PLPPR2: variants seen among roughly 807,000 people sequenced by gnomAD.
PLPPR2 encodes the protein phospholipid phosphatase-related protein type 2.
Under a neutral mutation model 40.3 loss-of-function variants are expected in PLPPR2, and 11 were observed. That is an observed-to-expected ratio of 0.27 (90% CI 0.17 to 0.45). The LOEUF is 0.45. PLPPR2 is among the 20% of genes least tolerant of loss of function. The pLI is 1.00. For synonymous variants in PLPPR2, 260 were observed against 290.8 expected (o/e 0.89, Z 1.08); for missense variants, 497 against 640.7 (o/e 0.78, Z 2.42).
chr19:11,361,409 C>T lies in PLPPR2; in HGVS notation c.584C>T (p.Pro195Leu), dbSNP rs1378631549. 2 of 1,609,034 alleles carry T rather than the reference C, an allele frequency of 1.2e-6. No homozygotes were observed. Among genetic ancestry groups the T allele is most frequent in the Admixed American group, 1.7e-5 (1 of 59,970 alleles). ...VTDQGACAGS[P>L]SLVAAARRAF... ...GACCAGGGTGCCTGCGCTGGCAGTC[C>T]CAGCCTCGTGGCCGCCGCGCGCCGC... The change falls in exon 6 of 10, where the codon CCC becomes CTC. Residue 195 changes from proline to leucine, a missense_variant. Pro to Leu is a moderately conservative substitution (Grantham distance 98). Coordinates refer to ENST00000688289, the MANE Select transcript of PLPPR2 (RefSeq NM_001393892.1). The surrounding 1 kb of genome is among the most constrained non-coding windows in gnomAD (Gnocchi z 6.3).
chr19:11,357,179 T>C lies in PLPPR2; in HGVS notation c.-15+203T>C, dbSNP rs111260253. ...AACCAGACACCAACACCACAGCCCATGGGGACAGAGAGAGGGGCCCCTGCA... is the reference window on the plus strand; with the variant it reads ...AACCAGACACCAACACCACAGCCCACGGGGACAGAGAGAGGGGCCCCTGCA... On this transcript the variant is annotated intron_variant, in intron 2 of 9. Transcript: ENST00000688289. Among the ~76,000 whole-genome samples the C allele has an allele frequency of 7.2e-4, 109 of 151,698 alleles. 1 individual carries two copies. The highest frequency in any genetic ancestry group is 2.2e-3 in the African/African-American group (90 of 41,288).
chr19:11,363,279 T>A lies in PLPPR2; in HGVS notation c.841-434T>A. Among the ~76,000 whole-genome samples the A allele has an allele frequency of 8.5e-6, 1 of 117,604 alleles. No homozygotes were observed. Among genetic ancestry groups the A allele is most frequent in the African/African-American group, 3.4e-5 (1 of 29,526 alleles). 77.2% of individuals were successfully genotyped at this position (117,604 alleles called of 152,430 possible). On this transcript the variant is annotated intron_variant, in intron 7 of 9. Coordinates refer to ENST00000688289, the MANE Select transcript of PLPPR2 (RefSeq NM_001393892.1). This position sits in a 1 kb window ranked among gnomAD's most constrained non-coding sequence, Gnocchi z 4.8. ...CTGGGTGAAAGAGCGAAAGTCTGTC[T>A]CAAAAAAAAAAAAAAAAAAAATTAG...
rs1397772374 is a variant in PLPPR2 at position 11,355,439 on chromosome 19, C to T, written c.-323C>T. On this transcript the variant is annotated 5_prime_UTR_variant, in exon 1 of 10. Coordinates refer to ENST00000688289, the MANE Select transcript of PLPPR2 (RefSeq NM_001393892.1). Reference sequence around the variant, plus strand: ...CCCTCCCTCCACCTCGGAGTCTGCGCGGCGCGGCCAGGCCCGGCCGACCGC... The same window carrying T: ...CCCTCCCTCCACCTCGGAGTCTGCGTGGCGCGGCCAGGCCCGGCCGACCGC... The T allele has an allele frequency of 6.6e-6, 1 of 152,438 alleles. No individual in the cohort carries two copies. Among genetic ancestry groups the T allele is most frequent in the South Asian group, 2.0e-4 (1 of 5,002 alleles). The allele number at this position is 152,438 out of a possible 1,614,324, so 9.4% of individuals were successfully genotyped here.
In PLPPR2 at chr19:11,359,645, C is replaced by G; in HGVS notation, c.180C>G (p.Tyr60Ter). ...ATGACAGTACCTACGCCAAGCCCTA[C>G]CCAGGGCCTGAGGCTGCCAGCCGAG... ...FCYDSTYAKP[Y>*]PGPEAASRVP... The change falls in exon 4 of 10, where the codon TAC (tyrosine) becomes TAG (stop). Residue 60 changes from tyrosine to a stop codon, truncating the protein, a stop_gained. Coordinates refer to ENST00000688289, the MANE Select transcript of PLPPR2 (RefSeq NM_001393892.1). LOFTEE classifies it high-confidence loss of function. This position sits in a 1 kb window ranked among gnomAD's most constrained non-coding sequence, Gnocchi z 5.6. 1 of 1,612,988 alleles carries G rather than the reference C, an allele frequency of 6.2e-7. No homozygotes were observed. The highest frequency in any genetic ancestry group is 2.2e-5 in the East Asian group (1 of 44,846).
intron 5 of PLPPR2, 103 bp downstream of exon 5, chr19:11,360,059 G>A (rs762938520): frequency 2.1e-6 from 3 of 1,423,538 alleles, no homozygotes; most frequent in Admixed American, 2.6e-5. Flanking sequence ...CAGGCTGGGT[G>A]TGGTGGCTCA....
At chr19:11,358,404 T>G (rs1271144816) in intron 3 of PLPPR2, among the ~76,000 whole-genome samples, 1 of 152,112 alleles carries the variant, frequency 6.6e-6, no homozygotes, top group African/African-American at 2.4e-5. Context: ...GGACAAAGCT[T>G]GGTACGACCC....
intron 2 of PLPPR2, among the ~76,000 whole-genome samples, chr19:11,357,359 C>T (rs1370331523): frequency 6.6e-6 from 1 of 152,020 alleles, no homozygotes; most frequent in African/African-American, 2.4e-5. Flanking sequence ...TAAAGGCCCA[C>T]CTCCTAAAGG....
intron 2 of PLPPR2, 54 bp from the exon 3 acceptor site, chr19:11,357,606 A>G: frequency 7.2e-7 from 1 of 1,393,060 alleles, no homozygotes; most frequent in Non-Finnish European, 9.8e-7. Flanking sequence ...CGGTGACCTG[A>G]GCCTTCCCCT....
Position 11,362,138 on chromosome 19 carries a change from C to CT in PLPPR2, c.664-373dup, listed in dbSNP as rs1968064384. Among the ~76,000 whole-genome samples the CT allele has an allele frequency of 6.6e-6, 1 of 152,116 alleles. No homozygotes were observed. Among genetic ancestry groups the CT allele is most frequent in the South Asian group, 2.1e-4 (1 of 4,824 alleles). Reference sequence around the variant, plus strand: ...CAGCTCCTACAGCTCCTACAGCTCCCTTCGCCCTGACTCCACCCTCTGGTT... The same window carrying CT: ...CAGCTCCTACAGCTCCTACAGCTCCCTTTCGCCCTGACTCCACCCTCTGGTT... On this transcript the variant is annotated intron_variant, in intron 6 of 9. Coordinates refer to ENST00000688289, the MANE Select transcript of PLPPR2 (RefSeq NM_001393892.1). This position sits in a 1 kb window ranked among gnomAD's most constrained non-coding sequence, Gnocchi z 5.3.
In PLPPR2 at chr19:11,363,280, CAAA is replaced by C. The variant is rs571914211; in HGVS notation, c.841-415_841-413del. On this transcript the variant is annotated intron_variant, in intron 7 of 9. Transcript: ENST00000688289. The surrounding 1 kb of genome is among the most constrained non-coding windows in gnomAD (Gnocchi z 4.8). The stretch of plus-strand genomic sequence containing the variant: ...TGGGTGAAAGAGCGAAAGTCTGTCT[CAAA>C]AAAAAAAAAAAAAAAAATTAGCTGG... Among the ~76,000 whole-genome samples the C allele has an allele frequency of 7.8e-3, 579 of 74,054 alleles. 4 individuals are homozygous for C. The highest frequency in any genetic ancestry group is 0.025 in the African/African-American group (553 of 21,848). 48.6% of individuals were successfully genotyped at this position (74,054 alleles called of 152,430 possible). A position where few individuals can be genotyped will look rare whatever the true frequency, so the allele number is the denominator to read the frequency against.
In PLPPR2 at chr19:11,363,888, G is replaced by A. The variant is rs547147802; in HGVS notation, c.963+53G>A. ...CTGGAGAGGGTGGTGGGTGGAGGGG[G>A]CCAAGGAGACAGGAAGGAAGTCAGG... On this transcript the variant is annotated intron_variant, in intron 8 of 9. Transcript: ENST00000688289. This position sits in a 1 kb window ranked among gnomAD's most constrained non-coding sequence, Gnocchi z 4.8. 5 of 1,573,228 alleles carry A rather than the reference G, an allele frequency of 3.2e-6. No individual in the cohort carries two copies. In the African/African-American group the frequency reaches 5.4e-5, roughly 17 times the overall value.
Position 11,362,606 on chromosome 19 carries a change from G to C in PLPPR2, c.757G>C (p.Val253Leu). 1 of 1,613,588 alleles carries C rather than the reference G, an allele frequency of 6.2e-7. No individual in the cohort carries two copies. Among genetic ancestry groups the C allele is most frequent in the Non-Finnish European group, 8.5e-7 (1 of 1,180,006 alleles). Residue 253 changes from valine (V) to leucine (L), a missense_variant, in exon 7 of 10, where the codon GTG (valine) becomes CTG (leucine). Physicochemically the swap from Val to Leu is conservative, Grantham distance 32. Transcript: ENST00000688289. This position sits in a 1 kb window ranked among gnomAD's most constrained non-coding sequence, Gnocchi z 5.3. Reference sequence around the variant, plus strand: ...GCTGTGCCCGGCCTTCCTGGTGGGCGTGGTCCGCGTGGCCGAGTACCGAAA... The same window carrying C: ...GCTGTGCCCGGCCTTCCTGGTGGGCCTGGTCCGCGTGGCCGAGTACCGAAA... ...ALLCPAFLVG[V>L]VRVAEYRNHW...
Position 11,361,640 on chromosome 19 carries a change from C to CCCT in PLPPR2, c.663+161_663+163dup, listed in dbSNP as rs1229788365. ...CACGCCCCGACCTGTTGGAAGCTCT[C>CCCT]CCTCCTCCTCCCAGATCCTAGCCAC... On this transcript the variant is annotated intron_variant, in intron 6 of 9. Transcript: ENST00000688289. This position sits in a 1 kb window ranked among gnomAD's most constrained non-coding sequence, Gnocchi z 6.3. 1.8e-6 allele frequency: 2 copies of CCCT among 1,097,496 alleles called. No homozygotes were observed. Among genetic ancestry groups the CCCT allele is most frequent in the Non-Finnish European group, 2.5e-6 (2 of 789,906 alleles). 68.0% of individuals were successfully genotyped at this position (1,097,496 alleles called of 1,614,324 possible). A position where few individuals can be genotyped will look rare whatever the true frequency, so the allele number is the denominator to read the frequency against.
At position 11,364,578 on chromosome 19, in the gene PLPPR2, T is replaced by C. The variant is rs1054703495; in HGVS notation, c.1247T>C (p.Leu416Pro). 15 of 1,536,994 alleles carry C rather than the reference T, an allele frequency of 9.8e-6. No homozygotes were observed. Among genetic ancestry groups the C allele is most frequent in the Non-Finnish European group, 1.2e-5 (14 of 1,146,848 alleles). ...GGGGRGRKLL[L>P]PTPLLRDLYT... Reference sequence around the variant, plus strand: ...GGTGGACGTGGCCGGAAGCTGCTGCTGCCCACGCCCCTGCTGCGGGACCTG... The same window carrying C: ...GGTGGACGTGGCCGGAAGCTGCTGCCGCCCACGCCCCTGCTGCGGGACCTG... The change falls in exon 10 of 10, where the codon CTG becomes CCG. Residue 416 changes from leucine (L) to proline (P), a missense_variant. Leu to Pro is a moderately conservative substitution (Grantham distance 98). Transcript: ENST00000688289. The surrounding 1 kb of genome is among the most constrained non-coding windows in gnomAD (Gnocchi z 5.8).
chr19:11,362,763 G>T lies in PLPPR2; in HGVS notation c.840+74G>T. ...TCTGACCCAAGAGGCAGGACCACAT[G>T]ATGGAGAAGGGTGTGGACTCTGTGT... On this transcript the variant is annotated intron_variant, in intron 7 of 9. Transcript: ENST00000688289. The surrounding 1 kb of genome is among the most constrained non-coding windows in gnomAD (Gnocchi z 5.3). The T allele has an allele frequency of 6.6e-7, 1 of 1,509,234 alleles. No individual in the cohort carries two copies. 93.5% of individuals were successfully genotyped at this position (1,509,234 alleles called of 1,614,324 possible). A position where few individuals can be genotyped will look rare whatever the true frequency, so the allele number is the denominator to read the frequency against.
rs1376506698 is a variant in PLPPR2 at position 11,361,958 on chromosome 19, C to T, written c.663+470C>T. 6.6e-6 allele frequency among the ~76,000 whole-genome samples: 1 copy of T among 152,156 alleles called. No homozygotes were observed. The highest frequency in any genetic ancestry group is 1.5e-5 in the Non-Finnish European group (1 of 68,018). On this transcript the variant is annotated intron_variant, in intron 6 of 9. Transcript: ENST00000688289. The surrounding 1 kb of genome is among the most constrained non-coding windows in gnomAD (Gnocchi z 6.3). The stretch of plus-strand genomic sequence containing the variant: ...TGTTCCCTCCTGTTGTAGCCCTGGC[C>T]ACGCCCCTTGCTCTTAACTGCTCTG...
chr19:11,357,248 TG>T (rs1050480436), intron 2 of PLPPR2, among the ~76,000 whole-genome samples: 2 of 151,850 alleles, frequency 1.3e-5, no homozygotes, highest in African/African-American at 4.8e-5. Flanking sequence ...CTGGTAGGGA[TG>T]GGGGCCCCTT....
chr19:11,359,443 C>A lies in PLPPR2; in HGVS notation c.67-89C>A. The A allele has an allele frequency of 8.1e-7, 1 of 1,237,720 alleles. No individual in the cohort carries two copies. Among genetic ancestry groups the A allele is most frequent in the Non-Finnish European group, 1.1e-6 (1 of 917,916 alleles). The allele number at this position is 1,237,720 out of a possible 1,614,324, so 76.7% of individuals were successfully genotyped here. A position where few individuals can be genotyped will look rare whatever the true frequency, so the allele number is the denominator to read the frequency against. On this transcript the variant is annotated intron_variant, in intron 3 of 9. Coordinates refer to ENST00000688289, the MANE Select transcript of PLPPR2 (RefSeq NM_001393892.1). The surrounding 1 kb of genome is among the most constrained non-coding windows in gnomAD (Gnocchi z 5.6). ...CTGTCTCTAACCCATGTTTCTCCAT[C>A]TCTGTATCTCTGCCTCTGTGGCCTC...
intron 5 of PLPPR2, among the ~76,000 whole-genome samples, chr19:11,360,917 T>A (rs994965528): frequency 2.6e-5 from 4 of 151,948 alleles, no homozygotes; most frequent in African/African-American, 2.4e-5. Context: ...GGGTGGATCC[T>A]GATGTAATGG....
Sources: gnomAD v4.1 joint callset for allele counts (sites outside exome capture counted in the v4.1 genomes callset) on GRCh38, gnomAD v4.1.1 for gene constraint, Gnocchi (gnomAD v3.1) non-coding constraint, MANE v1.5 for transcripts, NCBI Gene and HGNC (gene_info 2026-07-23, HGNC 2026-07-21) for gene names.